LAMA3: variants seen among roughly 807,000 people sequenced by gnomAD.
LAMA3 encodes the protein laminin subunit alpha-3.
LAMA3 carries 281 observed loss-of-function variants against 402.0 expected under a neutral mutation model. That is an observed-to-expected ratio of 0.70 (90% CI 0.63 to 0.77). The LOEUF (loss-of-function observed/expected upper bound fraction) is 0.77. LAMA3 is among the 30% of genes least tolerant of loss of function. The probability of loss-of-function intolerance (pLI) is 0.00; values close to 1 mark genes in which losing one functional copy is unlikely to be tolerated. For missense variants in LAMA3, 3,840 were observed against 4,215.5 expected, an observed-to-expected ratio of 0.91 and a Z score of 2.47; for synonymous variants, 1,431 against 1,558.4, an observed-to-expected ratio of 0.92 and a Z score of 1.93.
chr18:23,870,227 C>T lies in LAMA3; in HGVS notation c.4768-1204C>T, dbSNP rs556347112. On this transcript the variant is annotated intron_variant, in intron 37 of 74. Coordinates refer to ENST00000313654, the MANE Select transcript of LAMA3 (RefSeq NM_198129.4). ...CTGAGGCAGGAGAATCACTTGAACC[C>T]GGGAGGCAGAGGTTGTAGTGAGCTG... Among the ~76,000 whole-genome samples, 22 of 152,094 alleles carry T rather than the reference C, an allele frequency of 1.4e-4. No individual in the cohort carries two copies. The South Asian group carries it at 2.9e-3, about 20-fold the overall frequency.
intron 72 of LAMA3, 77 bp from the exon 73 acceptor site, chr18:23,951,606 TG>T (rs1159690578): frequency 8.8e-7 from 1 of 1,140,208 alleles, no homozygotes; most frequent in African/African-American, 1.5e-5. Context: ...TGGCCCGGTT[TG>T]GGGAGGGAAG....
At chr18:23,789,505 A>T (rs1290233760) in intron 12 of LAMA3, among the ~76,000 whole-genome samples, 1 of 152,254 alleles carries the variant, frequency 6.6e-6, no homozygotes, top group Admixed American at 6.5e-5. Context: ...CGAAGTACTT[A>T]TGCATGCTAC....
At chr18:23,800,172 C>T (rs535858112) in intron 12 of LAMA3, among the ~76,000 whole-genome samples, 4 of 152,290 alleles carry the variant, frequency 2.6e-5, no homozygotes, top group African/African-American at 9.6e-5. Flanking sequence ...AGTACTTAAT[C>T]GTCAATAAAG....
chr18:23,815,367 C>A, intron 16 of LAMA3, 101 bp from the exon 17 acceptor site: 1 of 1,348,466 alleles, frequency 7.4e-7, no homozygotes, highest in Non-Finnish European at 1.1e-6. Context: ...CAGATCCTGG[C>A]TACACTGCTT....
At chr18:23,747,034 G>A (rs1383754133) in intron 2 of LAMA3, among the ~76,000 whole-genome samples, 1 of 152,036 alleles carries the variant, frequency 6.6e-6, no homozygotes, top group African/African-American at 2.4e-5. Context: ...GGCATTCTTG[G>A]GCTAGAGGCG....
Position 23,848,143 on chromosome 18 carries a change from G to C in LAMA3, c.4136+475G>C, listed in dbSNP as rs1399202096. On this transcript the variant is annotated intron_variant, in intron 32 of 74. Transcript: ENST00000313654. ...ACAGAGTCTGAAATCCCACCTAGCT[G>C]ATTTGGGCTGGAAGGGGAGCTGAGG... Among the ~76,000 whole-genome samples, 3 of 152,330 alleles carry C rather than the reference G, an allele frequency of 2.0e-5. No individual in the cohort carries two copies. In the South Asian group the frequency reaches 6.2e-4, roughly 32 times the overall value.
rs1165522766 is a variant in LAMA3, at chr18:23,899,287, G to A, written c.5837-1G>A. The stretch of plus-strand genomic sequence containing the variant: ...CTAATAGACCACTTGATGTTTCCTA[G>A]TTCTTTTAAAGCAGATCTCTGGGAC... On this transcript the variant is annotated splice_acceptor_variant, in intron 46 of 74. Coordinates refer to ENST00000313654, the MANE Select transcript of LAMA3 (RefSeq NM_198129.4). LOFTEE classifies it high-confidence loss of function. 1 of 1,612,678 alleles carries A rather than the reference G, an allele frequency of 6.2e-7. No individual in the cohort carries two copies. The highest frequency in any genetic ancestry group is 1.1e-5 in the South Asian group (1 of 91,006).
chr18:23,689,648 G>A lies in LAMA3; in HGVS notation c.-36G>A. 1 of 1,261,486 alleles carries A rather than the reference G, an allele frequency of 7.9e-7. No homozygotes were observed. Among genetic ancestry groups the A allele is most frequent in the South Asian group, 3.1e-5 (1 of 32,448 alleles). 78.1% of individuals were successfully genotyped at this position (1,261,486 alleles called of 1,614,324 possible). A position where few individuals can be genotyped will look rare whatever the true frequency, so the allele number is the denominator to read the frequency against. ...AGCGGCGGTGCCCCCGAGCCCCTCT[G>A]CGGACGGCTCAGGCGGGAGGACCCC... On this transcript the variant is annotated 5_prime_UTR_variant, in exon 1 of 75. Transcript: ENST00000313654.
chr18:23,740,811 T>G (rs2061548988), intron 2 of LAMA3, among the ~76,000 whole-genome samples: 1 of 152,166 alleles, frequency 6.6e-6, no homozygotes, highest in African/African-American at 2.4e-5. Flanking sequence ...GAGATGCTAG[T>G]GTGGGAGGGG....
chr18:23,941,202 C>T (rs1384494776), intron 68 of LAMA3, among the ~76,000 whole-genome samples: 1 of 152,020 alleles, frequency 6.6e-6, no homozygotes, highest in East Asian at 1.9e-4. Flanking sequence ...TCCCAAAGTG[C>T]TGGGATTACA....
At chr18:23,745,093 A>G (rs1374668177) in intron 2 of LAMA3, among the ~76,000 whole-genome samples, 1 of 152,188 alleles carries the variant, frequency 6.6e-6, no homozygotes, top group Non-Finnish European at 1.5e-5. Context: ...AGAAATATCC[A>G]TGTTCTTGGA....
intron 42 of LAMA3, among the ~76,000 whole-genome samples, chr18:23,892,640 T>C (rs1007730944): frequency 6.6e-6 from 1 of 152,080 alleles, no homozygotes; most frequent in Non-Finnish European, 1.5e-5. Context: ...TGGTGGCTCA[T>C]GCCTGTAATC....
chr18:23,743,117 G>A (rs564849784), intron 2 of LAMA3, among the ~76,000 whole-genome samples: 56 of 152,320 alleles, frequency 3.7e-4, no homozygotes, highest in African/African-American at 1.1e-3. Flanking sequence ...AACAGGTACC[G>A]CAGTGCATGA....
At chr18:23,740,847 C>T (rs1425124360) in intron 2 of LAMA3, among the ~76,000 whole-genome samples, 1 of 152,164 alleles carries the variant, frequency 6.6e-6, no homozygotes, top group South Asian at 2.1e-4. Context: ...GAGGCCCTTC[C>T]TCTAAGTTTC....
Position 23,890,262 on chromosome 18 carries a change from C to A in LAMA3, c.5410+145C>A, listed in dbSNP as rs978126081. Reference sequence around the variant, plus strand: ...CCCCAGGATGCATAATACACAATTCCAGCCAGCAAGCTGTCCCCTTGTTTT... The same window carrying A: ...CCCCAGGATGCATAATACACAATTCAAGCCAGCAAGCTGTCCCCTTGTTTT... On this transcript the variant is annotated intron_variant, in intron 42 of 74. Transcript: ENST00000313654. 3 of 690,500 alleles carry A rather than the reference C, an allele frequency of 4.3e-6. No individual in the cohort carries two copies. The African/African-American group carries it at 5.3e-5, about 12-fold the overall frequency. 42.8% of individuals were successfully genotyped at this position (690,500 alleles called of 1,614,324 possible). A position where few individuals can be genotyped will look rare whatever the true frequency, so the allele number is the denominator to read the frequency against.
intron 12 of LAMA3, among the ~76,000 whole-genome samples, chr18:23,806,953 G>A (rs1040448455): frequency 5.9e-5 from 9 of 152,124 alleles, no homozygotes; most frequent in Admixed American, 2.0e-4. Flanking sequence ...TTAGTTTGAC[G>A]GAAATGTTCT....
intron 2 of LAMA3, among the ~76,000 whole-genome samples, chr18:23,720,430 C>T (rs111232059): frequency 8.5e-5 from 13 of 152,138 alleles, no homozygotes; most frequent in Non-Finnish European, 1.5e-4. Flanking sequence ...TCTCGGCTGA[C>T]TGCAACCTCT....
chr18:23,731,817 C>A (rs1213135655), intron 2 of LAMA3, among the ~76,000 whole-genome samples: 6 of 152,284 alleles, frequency 3.9e-5, no homozygotes, highest in Non-Finnish European at 8.8e-5. Flanking sequence ...ACCATGCTCA[C>A]TACCTGGATG....
intron 13 of LAMA3, 140 bp downstream of exon 13, chr18:23,810,643 G>A (rs1568207830): frequency 2.2e-6 from 2 of 929,266 alleles, no homozygotes; most frequent in East Asian, 2.6e-5. Flanking sequence ...TAGTCTGCTT[G>A]GTTCCTCACC....
Sources: allele counts gnomAD v4.1 joint callset (sites outside exome capture counted in the v4.1 genomes callset), GRCh38; gene constraint gnomAD v4.1.1; transcripts MANE v1.5; gene names NCBI Gene and HGNC (gene_info 2026-07-23, HGNC 2026-07-21).